Variants in MECOM observed in about 807,000 individuals in gnomAD.
MECOM encodes the protein MDS1 and EVI1 complex locus.
A neutral mutation model predicts 116.3 loss-of-function variants in MECOM; 13 were observed. The ratio of observed to expected loss-of-function variants is 0.11; its 90% confidence interval spans 0.07 to 0.18. The LOEUF (loss-of-function observed/expected upper bound fraction) is 0.18, where lower values mean the gene tolerates loss of function less well. Among genes scored for constraint, MECOM ranks in the 10% least tolerant of loss-of-function variants. MECOM has a pLI of 1.00. For missense variants in MECOM, 1,299 were observed against 1,509.0 expected (o/e 0.86, Z 2.31); for synonymous variants, 528 against 535.2 (o/e 0.99, Z 0.19).
At chr3:169,224,349 C>T (rs1752481698) in intron 2 of MECOM, among the ~76,000 whole-genome samples, 1 of 152,122 alleles carries the variant, frequency 6.6e-6, no homozygotes, top group East Asian at 1.9e-4. Context: ...AAAGCAATGG[C>T]AAGAAGAAGT....
chr3:169,108,634 T>C (rs1726256319), intron 9 of MECOM, among the ~76,000 whole-genome samples: 2 of 152,304 alleles, frequency 1.3e-5, no homozygotes, highest in South Asian at 4.1e-4. Flanking sequence ...AGATATATAT[T>C]TTGCTTATAC....
chr3:169,229,947 A>T (rs1457430684), intron 2 of MECOM, among the ~76,000 whole-genome samples: 1 of 152,212 alleles, frequency 6.6e-6, no homozygotes, highest in African/African-American at 2.4e-5. Flanking sequence ...AATTCCAAAT[A>T]AAGGAAGATT....
At chr3:169,622,196 T>C (rs1770820999) in intron 1 of MECOM, among the ~76,000 whole-genome samples, 1 of 152,138 alleles carries the variant, frequency 6.6e-6, no homozygotes, top group African/African-American at 2.4e-5. Flanking sequence ...TTCAAGCGAT[T>C]CTCCTGCCTC....
chr3:169,348,042 A>G (rs555101553), intron 2 of MECOM, among the ~76,000 whole-genome samples: 8 of 152,162 alleles, frequency 5.3e-5, no homozygotes, highest in East Asian at 1.9e-4. Flanking sequence ...CTGCTTATCT[A>G]CAGGGCATCT....
At chr3:169,422,142 A>G (rs996559046) in intron 1 of MECOM, among the ~76,000 whole-genome samples, 2 of 152,180 alleles carry the variant, frequency 1.3e-5, no homozygotes, top group African/African-American at 4.8e-5. Context: ...GTACCAATAA[A>G]TACTCTCAAT....
chr3:169,394,353 A>G (rs1008912300), intron 1 of MECOM, among the ~76,000 whole-genome samples: 9 of 152,332 alleles, frequency 5.9e-5, no homozygotes, highest in African/African-American at 1.9e-4. Context: ...CTTATGTAAT[A>G]TAAGGCTGCA....
At chr3:169,553,976 G>A (rs1027081896) in intron 1 of MECOM, among the ~76,000 whole-genome samples, 1 of 152,146 alleles carries the variant, frequency 6.6e-6, no homozygotes, top group South Asian at 2.1e-4. Flanking sequence ...ATTTGGCCAG[G>A]GTTGCTGGGG....
intron 1 of MECOM, among the ~76,000 whole-genome samples, chr3:169,427,307 A>T (rs188793439): frequency 3.1e-4 from 47 of 152,206 alleles, no homozygotes; most frequent in African/African-American, 1.1e-3. Context: ...GTAGTATAAT[A>T]GCTTTGTATT....
intron 2 of MECOM, among the ~76,000 whole-genome samples, chr3:169,191,179 C>G (rs1322239146): frequency 6.6e-6 from 1 of 151,994 alleles, no homozygotes; most frequent in East Asian, 1.9e-4. Context: ...CACTTGTCCC[C>G]CTCCTGTCTT....
intron 2 of MECOM, among the ~76,000 whole-genome samples, chr3:169,154,129 G>T (rs962343882): frequency 6.6e-6 from 1 of 151,956 alleles, no homozygotes; most frequent in African/African-American, 2.4e-5. Flanking sequence ...AGTTTGTTCT[G>T]TTCTACCCAC....
At chr3:169,252,233 G>T (rs1319489156) in intron 2 of MECOM, among the ~76,000 whole-genome samples, 1 of 152,000 alleles carries the variant, frequency 6.6e-6, no homozygotes, top group East Asian at 1.9e-4. Context: ...ATATATACTA[G>T]CCTAGATATC....
intron 1 of MECOM, among the ~76,000 whole-genome samples, chr3:169,525,791 G>A (rs1757896801): frequency 6.6e-6 from 1 of 152,208 alleles, no homozygotes; most frequent in Non-Finnish European, 1.5e-5. Flanking sequence ...CACTTTGGGA[G>A]GCCGAGGCGG....
At chr3:169,215,449 T>C (rs185800540) in intron 2 of MECOM, among the ~76,000 whole-genome samples, 1 of 152,272 alleles carries the variant, frequency 6.6e-6, no homozygotes, top group East Asian at 1.9e-4. Context: ...TTTTGCCATA[T>C]CCTATGTCCT....
intron 2 of MECOM, among the ~76,000 whole-genome samples, chr3:169,342,879 T>C (rs572368216): frequency 6.6e-6 from 1 of 152,286 alleles, no homozygotes; most frequent in South Asian, 2.1e-4. Context: ...GAAGTGGGGA[T>C]TCGTCCAGCC....
intron 2 of MECOM, among the ~76,000 whole-genome samples, chr3:169,273,936 G>A (rs1344508607): frequency 7.0e-6 from 1 of 143,492 alleles, no homozygotes; most frequent in East Asian, 2.0e-4. Context: ...TTTTGAGATG[G>A]AGTATCATTC....
At chr3:169,358,796 TAAAAACGTAA>T (rs1419610711) in intron 2 of MECOM, among the ~76,000 whole-genome samples, 4 of 151,680 alleles carry the variant, frequency 2.6e-5, no homozygotes, top group African/African-American at 9.7e-5. Context: ...ATAACAAAGT[TAAAAACGTAA>T]GTGGCTTTCA....
intron 11 of MECOM, among the ~76,000 whole-genome samples, 182 bp from the exon 12 acceptor site, chr3:169,101,144 TA>T (rs1723428891): frequency 6.6e-6 from 1 of 152,192 alleles, no homozygotes; most frequent in Admixed American, 6.5e-5. Flanking sequence ...ACTCTACAAA[TA>T]AAGACTGCAT....
In MECOM at chr3:169,312,739, T is replaced by C. The variant is rs189289401; in HGVS notation, c.375+68448A>G. On this transcript the variant is annotated intron_variant, in intron 2 of 16. Coordinates refer to ENST00000651503, the MANE Select transcript of MECOM (RefSeq NM_004991.4). ...TAAGGAGGACACTAGGAGGAGCAGG[T>C]CTGGGGAGAGAGGAAAAACCAAAAG... Among the ~76,000 whole-genome samples the C allele has an allele frequency of 1.2e-4, 19 of 152,222 alleles. 1 individual carries two copies. The highest frequency in any genetic ancestry group is 4.1e-4 in the African/African-American group (17 of 41,534).
chr3:169,261,997 C>G (rs1270848666), intron 2 of MECOM, among the ~76,000 whole-genome samples: 1 of 152,164 alleles, frequency 6.6e-6, no homozygotes, highest in East Asian at 1.9e-4. Flanking sequence ...GGGACTGAGT[C>G]CTTTACAAGT....
Sources: allele counts gnomAD v4.1 joint callset (sites outside exome capture counted in the v4.1 genomes callset), GRCh38; gene constraint gnomAD v4.1.1; transcripts MANE v1.5; gene names NCBI Gene and HGNC (gene_info 2026-07-23, HGNC 2026-07-21).